The following CHST7 variants were observed in gnomAD, a reference collection of about 807,000 sequenced individuals.
CHST7 encodes N-acetylglucosamine 6-O-sulfotransferase 4.
CHST7 carries 5 observed loss-of-function variants against 9.0 expected under a neutral mutation model. The ratio of observed to expected loss-of-function variants is 0.56; its 90% CI spans 0.29 to 1.17. The LOEUF (loss-of-function observed/expected upper bound fraction) is 1.17, where lower values mean the gene tolerates loss of function less well. Ranked by LOEUF, CHST7 falls within the 50% of genes most tolerant of loss-of-function variation. CHST7 has a pLI of 0.08. For synonymous variants in CHST7, 244 were observed against 237.1 expected, an observed-to-expected ratio of 1.03 and a Z score of -0.27; for missense variants, 377 against 485.1, an observed-to-expected ratio of 0.78 and a Z score of 2.09.
chrX:46,578,030 G>GT (rs922786548), intron 1 of CHST7, among the ~76,000 whole-genome samples: 2 of 110,757 alleles, frequency 1.8e-5, no homozygotes, highest in African/African-American at 6.6e-5. Context: ...AGTCAGTGAA[G>GT]TTTTTTCTGG....
intron 1 of CHST7, among the ~76,000 whole-genome samples, chrX:46,588,929 A>G (rs1942561442): frequency 9.0e-6 from 1 of 111,446 alleles, no homozygotes; most frequent in Non-Finnish European, 1.9e-5. Flanking sequence ...ATTACAGGAT[A>G]GGTCTTTAAA....
chrX:46,585,239 A>G (rs2146639812), intron 1 of CHST7, among the ~76,000 whole-genome samples: 1 of 88,419 alleles, frequency 1.1e-5, no homozygotes, highest in South Asian at 5.9e-4. Context: ...GTTTTTCTGC[A>G]CCCTCCCACT....
At chrX:46,586,138 C>G (rs1942548721) in intron 1 of CHST7, among the ~76,000 whole-genome samples, 1 of 112,006 alleles carries the variant, frequency 8.9e-6, no homozygotes, top group African/African-American at 3.3e-5. Flanking sequence ...CTCCAGCAAT[C>G]CTGTAGACTG....
chrX:46,588,321 C>T (rs1007214723), intron 1 of CHST7, among the ~76,000 whole-genome samples: 1 of 111,283 alleles, frequency 9.0e-6, no homozygotes, highest in African/African-American at 3.3e-5. Context: ...AAATGGGGGG[C>T]ACAGGAAGGC....
intron 1 of CHST7, among the ~76,000 whole-genome samples, chrX:46,595,845 T>G (rs1942591305): frequency 9.0e-6 from 1 of 111,566 alleles, no homozygotes; most frequent in Non-Finnish European, 1.9e-5. Flanking sequence ...CAACTAGAAG[T>G]CAGCCCATCT....
chrX:46,585,143 A>G (rs987879835), intron 1 of CHST7, among the ~76,000 whole-genome samples: 1 of 111,352 alleles, frequency 9.0e-6, no homozygotes, highest in African/African-American at 3.3e-5. Context: ...TCTTGCTATA[A>G]TAAAGAATAT....
At chrX:46,587,906 G>C (rs187353071) in intron 1 of CHST7, among the ~76,000 whole-genome samples, 4 of 111,761 alleles carry the variant, frequency 3.6e-5, no homozygotes, top group African/African-American at 1.3e-4. Context: ...TAAGGACACA[G>C]CCGTTGCAAA....
chrX:46,586,670 T>C (rs1942550827), intron 1 of CHST7, among the ~76,000 whole-genome samples: 1 of 111,997 alleles, frequency 8.9e-6, no homozygotes, highest in African/African-American at 3.2e-5. Context: ...AATTTATATC[T>C]TGGAGCAGCT....
At chrX:46,592,071 T>TA (rs1215312886) in intron 1 of CHST7, among the ~76,000 whole-genome samples, 1 of 112,594 alleles carries the variant, frequency 8.9e-6, no homozygotes, top group Non-Finnish European at 1.9e-5. Context: ...AAGAGCCTTT[T>TA]AACTATTAAT....
chrX:46,575,456 A>T, intron 1 of CHST7, 33 bp downstream of exon 1: 5 of 989,862 alleles, frequency 5.1e-6, no homozygotes, highest in Non-Finnish European at 6.4e-6. Context: ...AGGGACCGGG[A>T]CTGGTCTTCC....
intron 1 of CHST7, among the ~76,000 whole-genome samples, chrX:46,595,588 C>CT (rs1362068433): frequency 5.5e-5 from 6 of 110,080 alleles, no homozygotes; most frequent in African/African-American, 1.0e-4. Context: ...TTTTTCAGGG[C>CT]TTTTTTGTGT....
Position 46,574,468 on chromosome X carries a change from G to T in CHST7, c.537G>T (p.Ala179=). 1 of 1,206,574 alleles carries T rather than the reference G, an allele frequency of 8.3e-7. No individual in the cohort carries two copies. The highest frequency in any genetic ancestry group is 1.1e-6 in the Non-Finnish European group (1 of 893,265). Residue 179 remains alanine (A), a synonymous_variant, in exon 1 of 2, where the codon GCG becomes GCT. Transcript: ENST00000276055. ...ACGCGCCGCCGGGGGACCCCGCTGC[G>T]CGCGCCCCGGACACGGCCAATCTTA... The part of the protein sequence containing the change: ...RLYAPPGDPA[A]RAPDTANLTT...
chrX:46,590,216 T>A (rs1412510457), intron 1 of CHST7, among the ~76,000 whole-genome samples: 1 of 111,195 alleles, frequency 9.0e-6, no homozygotes, highest in Non-Finnish European at 1.9e-5. Context: ...GCCACCCAAG[T>A]GAAGAGCTCA....
chrX:46,584,860 G>T (rs921211686), intron 1 of CHST7, among the ~76,000 whole-genome samples: 4 of 111,471 alleles, frequency 3.6e-5, no homozygotes, highest in Non-Finnish European at 5.6e-5. Flanking sequence ...CTTTAGGAGG[G>T]AACTCAGAGG....
chrX:46,581,664 C>T (rs1423247740), intron 1 of CHST7, among the ~76,000 whole-genome samples: 2 of 107,538 alleles, frequency 1.9e-5, no homozygotes, highest in African/African-American at 3.4e-5. Context: ...GGCACGATCT[C>T]GGCTCACCTC....
At chrX:46,594,523 CAAAA>C (rs35615048) in intron 1 of CHST7, among the ~76,000 whole-genome samples, 1 of 82,800 alleles carries the variant, frequency 1.2e-5, no homozygotes. Context: ...AGACTCTGTC[CAAAA>C]AAAAAAAAAA....
chrX:46,579,203 G>C (rs1409250893), intron 1 of CHST7, among the ~76,000 whole-genome samples: 1 of 111,984 alleles, frequency 8.9e-6, no homozygotes, highest in Non-Finnish European at 1.9e-5. Context: ...AAAGAACTTG[G>C]AGCTATGAAG....
At chrX:46,576,349 C>T (rs1942499625) in intron 1 of CHST7, among the ~76,000 whole-genome samples, 1 of 111,688 alleles carries the variant, frequency 9.0e-6, no homozygotes. Context: ...CCACCCCATC[C>T]GTTTGACAGA....
At chrX:46,576,492 C>T (rs1942500308) in intron 1 of CHST7, among the ~76,000 whole-genome samples, 1 of 111,398 alleles carries the variant, frequency 9.0e-6, no homozygotes, top group African/African-American at 3.3e-5. Flanking sequence ...TAAAGTGGGG[C>T]TTAAACAGTC....
Sources: gnomAD v4.1 joint callset for allele counts (sites outside exome capture counted in the v4.1 genomes callset) on GRCh38, gnomAD v4.1.1 for gene constraint, MANE v1.5 for transcripts, NCBI Gene and HGNC (gene_info 2026-07-23, HGNC 2026-07-21) for gene names.